GPM6A: variants seen among roughly 807,000 people sequenced by gnomAD.
GPM6A encodes the protein neuronal membrane glycoprotein M6-a.
A neutral mutation model predicts 32.1 loss-of-function variants in GPM6A; 7 were observed. That is an observed-to-expected ratio of 0.22 (90% CI 0.12 to 0.41). The LOEUF (loss-of-function observed/expected upper bound fraction) is 0.41, where lower values mean the gene tolerates loss of function less well. Among genes scored for constraint, GPM6A ranks in the 10% least tolerant of loss-of-function variants. GPM6A has a pLI of 1.00. For missense variants in GPM6A, 235 were observed against 347.2 expected, an observed-to-expected ratio of 0.68 and a Z score of 2.57; for synonymous variants, 130 against 123.4, an observed-to-expected ratio of 1.05 and a Z score of -0.35.
At chr4:175,886,494 A>G (rs1737460363) in intron 1 of GPM6A, among the ~76,000 whole-genome samples, 1 of 152,142 alleles carries the variant, frequency 6.6e-6, no homozygotes, top group Admixed American at 6.5e-5. Context: ...TACTGAAATA[A>G]CTACACAAGT....
At chr4:175,677,516 T>C (rs914145134) in intron 2 of GPM6A, among the ~76,000 whole-genome samples, 1 of 152,070 alleles carries the variant, frequency 6.6e-6, no homozygotes, top group African/African-American at 2.4e-5. Context: ...AAAAGAAATT[T>C]AAGGCATAGA....
rs1733302671 is a variant in GPM6A, at chr4:175,774,156, G to C, written c.37+38035C>G. On this transcript the variant is annotated intron_variant, in intron 1 of 6. Transcript: ENST00000393658. ...ATTGCTGTTTTTACCTTAGATGTTT[G>C]TTCAGTAAAAGTATGAAGTGTCTAT... 2.0e-5 allele frequency among the ~76,000 whole-genome samples: 3 copies of C among 151,980 alleles called. No individual in the cohort carries two copies. The South Asian group carries it at 6.2e-4, about 32-fold the overall frequency.
chr4:175,677,416 C>T (rs552544399), intron 2 of GPM6A, among the ~76,000 whole-genome samples: 23 of 151,894 alleles, frequency 1.5e-4, no homozygotes, highest in African/African-American at 5.1e-4. Context: ...AATTTGTTGG[C>T]ATAAGACAAA....
intron 1 of GPM6A, among the ~76,000 whole-genome samples, chr4:175,738,554 G>A (rs775987398): frequency 2.2e-4 from 33 of 151,980 alleles, no homozygotes; most frequent in Non-Finnish European, 4.6e-4. Flanking sequence ...ATCTCTGGGT[G>A]AGTTAGGTAG....
intron 1 of GPM6A, among the ~76,000 whole-genome samples, chr4:175,894,635 A>C (rs1737742966): frequency 6.6e-6 from 1 of 152,146 alleles, no homozygotes; most frequent in African/African-American, 2.4e-5. Flanking sequence ...AACCTGCACA[A>C]ACAACAAGAA....
chr4:175,842,751 G>A (rs1187163778), intron 1 of GPM6A, among the ~76,000 whole-genome samples: 1 of 151,752 alleles, frequency 6.6e-6, no homozygotes, highest in Non-Finnish European at 1.5e-5. Context: ...ACATTTCCAT[G>A]GCCATCTTTT....
At chr4:175,729,870 T>C (rs2111137616) in intron 1 of GPM6A, among the ~76,000 whole-genome samples, 1 of 145,260 alleles carries the variant, frequency 6.9e-6, no homozygotes, top group East Asian at 2.0e-4. Flanking sequence ...ATTTAATGTA[T>C]TTAATAATTA....
chr4:175,928,016 T>C (rs930196042), intron 1 of GPM6A, among the ~76,000 whole-genome samples: 4 of 152,194 alleles, frequency 2.6e-5, no homozygotes, highest in African/African-American at 7.2e-5. Flanking sequence ...AGTTAGAGGG[T>C]CATTGTTATT....
chr4:175,917,088 A>G lies in GPM6A; in HGVS notation c.-23+85221T>C, dbSNP rs555193966. Reference sequence around the variant, plus strand: ...CTGCTGATGCGATTAAGTCCTGGCAAATATCATCCGTCTATAGAAGTCCAT... The same window carrying G: ...CTGCTGATGCGATTAAGTCCTGGCAGATATCATCCGTCTATAGAAGTCCAT... On this transcript the variant is annotated intron_variant, in intron 1 of 7. Transcript: ENST00000280187. Among the ~76,000 whole-genome samples the G allele has an allele frequency of 1.5e-3, 226 of 152,236 alleles. 1 individual carries two copies. Among genetic ancestry groups the G allele is most frequent in the African/African-American group, 5.1e-3 (211 of 41,534 alleles).
chr4:175,840,441 A>C (rs1579557862), intron 1 of GPM6A, among the ~76,000 whole-genome samples: 1 of 152,116 alleles, frequency 6.6e-6, no homozygotes, highest in African/African-American at 2.4e-5. Flanking sequence ...ACTTTGGGAG[A>C]CCGAGGCGGA....
At chr4:175,751,112 A>G (rs1270539843) in intron 1 of GPM6A, among the ~76,000 whole-genome samples, 1 of 152,190 alleles carries the variant, frequency 6.6e-6, no homozygotes, top group Non-Finnish European at 1.5e-5. Flanking sequence ...TATACAATTT[A>G]TATTCTAAAT....
chr4:175,935,617 A>G (rs1206224542), intron 1 of GPM6A, among the ~76,000 whole-genome samples: 4 of 152,198 alleles, frequency 2.6e-5, no homozygotes, highest in African/African-American at 7.2e-5. Flanking sequence ...TTATGAAGAA[A>G]AATACAAAAG....
intron 1 of GPM6A, among the ~76,000 whole-genome samples, chr4:175,907,614 C>T (rs1385788242): frequency 6.6e-6 from 1 of 152,114 alleles, no homozygotes; most frequent in Non-Finnish European, 1.5e-5. Flanking sequence ...CTTCTCTTGC[C>T]CTTCTGTCCT....
intron 1 of GPM6A, among the ~76,000 whole-genome samples, chr4:175,987,777 A>G (rs779065191): frequency 1.3e-5 from 2 of 152,188 alleles, no homozygotes; most frequent in Admixed American, 6.5e-5. Context: ...TGAAACTGTC[A>G]TGAATTTGCC....
At chr4:175,973,180 G>A (rs1023316636) in intron 1 of GPM6A, among the ~76,000 whole-genome samples, 1 of 152,152 alleles carries the variant, frequency 6.6e-6, no homozygotes, top group Non-Finnish European at 1.5e-5. Flanking sequence ...AGATAATATC[G>A]TGAATATTGA....
intron 1 of GPM6A, among the ~76,000 whole-genome samples, chr4:175,737,329 C>T (rs1292010307): frequency 6.6e-6 from 1 of 151,612 alleles, no homozygotes; most frequent in African/African-American, 2.4e-5. Flanking sequence ...TATAATCCTG[C>T]ACGCCCGTAA....
At chr4:175,952,389 T>C (rs1034856055) in intron 1 of GPM6A, among the ~76,000 whole-genome samples, 3 of 152,194 alleles carry the variant, frequency 2.0e-5, no homozygotes, top group Non-Finnish European at 4.4e-5. Flanking sequence ...CATGATGGAT[T>C]GTAGCTTAAG....
intron 2 of GPM6A, among the ~76,000 whole-genome samples, chr4:175,675,298 G>A (rs928301945): frequency 2.6e-5 from 4 of 151,088 alleles, no homozygotes; most frequent in African/African-American, 4.9e-5. Flanking sequence ...TATATTCAAC[G>A]TAGTAAGAGT....
chr4:175,717,570 T>C (rs970390372), intron 1 of GPM6A, among the ~76,000 whole-genome samples: 3 of 152,172 alleles, frequency 2.0e-5, no homozygotes, highest in African/African-American at 4.8e-5. Flanking sequence ...TTTCCACATA[T>C]AGACATAGAC....
Sources: gnomAD v4.1 joint callset for allele counts (sites outside exome capture counted in the v4.1 genomes callset) on GRCh38, gnomAD v4.1.1 for gene constraint, MANE v1.5 for transcripts, NCBI Gene and HGNC (gene_info 2026-07-23, HGNC 2026-07-21) for gene names.